The following NAALADL2 variants were observed in gnomAD, a reference collection of about 807,000 sequenced individuals.
The protein encoded by NAALADL2 is inactive N-acetylated-alpha-linked acidic dipeptidase-like protein 2.
A neutral mutation model predicts 87.2 loss-of-function variants in NAALADL2; 76 were observed. The ratio of observed to expected loss-of-function variants is 0.87; its 90% CI spans 0.72 to 1.05. NAALADL2 has a LOEUF of 1.05. Ranked by LOEUF, NAALADL2 falls within the 50% of genes least tolerant of loss-of-function variation. NAALADL2 has a pLI of 0.00. For missense variants in NAALADL2, 1,089 were observed against 945.8 expected (o/e 1.15, Z -1.99); for synonymous variants, 354 against 331.0 (o/e 1.07, Z -0.75).
chr3:175,001,511 T>G (rs1308638197), intron 1 of NAALADL2, among the ~76,000 whole-genome samples: 1 of 152,202 alleles, frequency 6.6e-6, no homozygotes, highest in East Asian at 1.9e-4. Context: ...TTTCCTAATA[T>G]GAAGGTAAAG....
chr3:175,479,624 C>T (rs531994524), intron 9 of NAALADL2, among the ~76,000 whole-genome samples: 75 of 151,790 alleles, frequency 4.9e-4, no homozygotes, highest in African/African-American at 1.7e-3. Flanking sequence ...AGTGCAAATA[C>T]ACTTTTTCAG....
chr3:175,423,573 A>G (rs113585020), intron 5 of NAALADL2, among the ~76,000 whole-genome samples: 17 of 152,156 alleles, frequency 1.1e-4, no homozygotes, highest in African/African-American at 4.1e-4. Flanking sequence ...AGCTTCATCC[A>G]TGTCCCTACA....
At chr3:175,622,994 AAAC>A (rs1726440194) in intron 10 of NAALADL2, among the ~76,000 whole-genome samples, 1 of 152,108 alleles carries the variant, frequency 6.6e-6, no homozygotes, top group Non-Finnish European at 1.5e-5. Context: ...AACAATTTGA[AAAC>A]AATATATTGG....
chr3:174,804,044 A>G (rs770006054), intron 3 of NAALADL2, among the ~76,000 whole-genome samples: 22 of 152,124 alleles, frequency 1.4e-4, no homozygotes, highest in Non-Finnish European at 2.2e-4. Flanking sequence ...CATTGAGTCT[A>G]TAAATTACCT....
chr3:175,699,053 G>A (rs914668551), intron 11 of NAALADL2, among the ~76,000 whole-genome samples: 1 of 151,768 alleles, frequency 6.6e-6, no homozygotes, highest in Non-Finnish European at 1.5e-5. Context: ...TTGGCCCAAA[G>A]TACTTTTCCT....
intron 12 of NAALADL2, among the ~76,000 whole-genome samples, chr3:175,750,166 G>A (rs1746455286): frequency 6.6e-6 from 1 of 152,146 alleles, no homozygotes; most frequent in Non-Finnish European, 1.5e-5. Flanking sequence ...ACTGGGGCTT[G>A]AATCTAGGTC....
chr3:175,775,185 A>G (rs984627704), intron 13 of NAALADL2: 1 of 151,764 alleles, frequency 6.6e-6, no homozygotes, highest in African/African-American at 2.4e-5. Context: ...CAAATATAGA[A>G]GCGGGAAGAT....
At chr3:174,914,068 T>C (rs1475061393) in intron 1 of NAALADL2, among the ~76,000 whole-genome samples, 2 of 151,650 alleles carry the variant, frequency 1.3e-5, no homozygotes, top group East Asian at 1.9e-4. Context: ...CTTTTCTTTT[T>C]TTTTTTTAAT....
rs547748113 is a variant in NAALADL2, at chr3:174,714,388, G to T, written c.-114-23253G>T. Among the ~76,000 whole-genome samples, 14 of 152,172 alleles carry T rather than the reference G, an allele frequency of 9.2e-5. 1 individual carries two copies. In the East Asian group the frequency reaches 2.5e-3, roughly 27 times the overall value. ...TGGCATTGAATCTGTAAATTACCTT[G>T]GGCAGTATGGCCATTTTCATGATTT... On this transcript the variant is annotated intron_variant, in intron 2 of 3. Coordinates refer to the NAALADL2 transcript ENST00000434257.
intron 12 of NAALADL2, among the ~76,000 whole-genome samples, chr3:175,746,199 C>T (rs1193742716): frequency 1.3e-5 from 2 of 151,424 alleles, no homozygotes; most frequent in Admixed American, 6.6e-5. Context: ...AATTCATTAG[C>T]GTCAATCACT....
At chr3:175,184,586 A>C (rs971730739) in intron 2 of NAALADL2, among the ~76,000 whole-genome samples, 1 of 152,054 alleles carries the variant, frequency 6.6e-6, no homozygotes, top group Non-Finnish European at 1.5e-5. Context: ...ATATATGTAC[A>C]ACTGTCCCTA....
chr3:174,924,367 C>T (rs926775173), intron 1 of NAALADL2, among the ~76,000 whole-genome samples: 1 of 152,036 alleles, frequency 6.6e-6, no homozygotes, highest in Admixed American at 6.6e-5. Context: ...CAGCTTCATA[C>T]ATGTCCCTAC....
intron 6 of NAALADL2, among the ~76,000 whole-genome samples, chr3:175,449,394 CTTTTTTTT>C (rs1185888984): frequency 2.1e-5 from 1 of 48,536 alleles, no homozygotes; most frequent in East Asian, 8.6e-4. Context: ...TAATTTTCTT[CTTTTTTTT>C]TTTTTTTTTT....
At chr3:175,013,367 C>T (rs1455199237) in intron 1 of NAALADL2, among the ~76,000 whole-genome samples, 13 of 124,056 alleles carry the variant, frequency 1.0e-4, no homozygotes, top group East Asian at 9.2e-4. Flanking sequence ...GGTGTGATCT[C>T]GGCTCATTGA....
At chr3:174,683,001 C>G (rs1369073895) in intron 2 of NAALADL2, among the ~76,000 whole-genome samples, 3 of 152,066 alleles carry the variant, frequency 2.0e-5, no homozygotes, top group African/African-American at 7.2e-5. Flanking sequence ...TGAGGAAACT[C>G]AAAGACATTT....
Position 174,569,494 on chromosome 3 carries a change from C to T in NAALADL2, c.-115+18857C>T, listed in dbSNP as rs578141686. ...TACAATCTTTATCTACTGTTGCCAT[C>T]CTCTCTGTCATTTTAGGATCTCTTT... is the stretch of plus-strand genomic sequence containing the variant. On this transcript the variant is annotated intron_variant, in intron 2 of 3. Transcript: ENST00000434257. 3.3e-5 allele frequency among the ~76,000 whole-genome samples: 5 copies of T among 152,194 alleles called. No homozygotes were observed. In the South Asian group the frequency reaches 1.0e-3, roughly 32 times the overall value.
intron 3 of NAALADL2, among the ~76,000 whole-genome samples, chr3:174,794,881 G>A (rs960773366): frequency 4.7e-5 from 7 of 149,638 alleles, no homozygotes; most frequent in Non-Finnish European, 7.4e-5. Context: ...ATGAAAATTT[G>A]CATCACGGAA....
intron 3 of NAALADL2, among the ~76,000 whole-genome samples, chr3:175,252,165 C>T (rs1287466569): frequency 2.0e-5 from 3 of 152,202 alleles, no homozygotes; most frequent in African/African-American, 7.2e-5. Context: ...CCTTAGGGTG[C>T]TTCACAGATA....
At chr3:175,178,508 A>T (rs940916625) in intron 2 of NAALADL2, among the ~76,000 whole-genome samples, 4 of 152,030 alleles carry the variant, frequency 2.6e-5, no homozygotes, top group Non-Finnish European at 4.4e-5. Context: ...TTTATTACAG[A>T]TAGAGTCCAG....
Sources: gnomAD v4.1 joint callset for allele counts (sites outside exome capture counted in the v4.1 genomes callset) on GRCh38, gnomAD v4.1.1 for gene constraint, MANE v1.5 for transcripts, NCBI Gene and HGNC (gene_info 2026-07-23, HGNC 2026-07-21) for gene names.